Variants in RNF38 observed in about 807,000 individuals in gnomAD.
RNF38 encodes the protein E3 ubiquitin-protein ligase RNF38.
Under a neutral mutation model 67.2 loss-of-function variants are expected in RNF38, and 15 were observed. The observed-to-expected ratio is 0.22, with a 90% CI of 0.15 to 0.34. The LOEUF (loss-of-function observed/expected upper bound fraction) is 0.34. Ranked by LOEUF, RNF38 falls within the 10% of genes least tolerant of loss-of-function variation. RNF38 has a pLI of 1.00. For missense variants in RNF38, 524 were observed against 639.9 expected, an observed-to-expected ratio of 0.82 and a Z score of 1.95; for synonymous variants, 220 against 218.8, an observed-to-expected ratio of 1.01 and a Z score of -0.05.
In RNF38 at chr9:36,400,258, A is replaced by G. The variant is rs1025040657; in HGVS notation, c.-150T>C. On this transcript the variant is annotated 5_prime_UTR_variant, in exon 1 of 12. Transcript: ENST00000259605. ...ACGCAGCCTATCCAGAAACCCACGG[A>G]AGCAGAAGGACGCCAGAGAGGACCC... 2 of 1,371,694 alleles carry G rather than the reference A, an allele frequency of 1.5e-6. No homozygotes were observed. The highest frequency in any genetic ancestry group is 2.9e-5 in the African/African-American group (2 of 68,410). The allele number at this position is 1,371,694 out of a possible 1,614,324, so 85.0% of individuals were successfully genotyped here.
intron 1 of RNF38, among the ~76,000 whole-genome samples, chr9:36,468,495 G>T (rs1237064739): frequency 1.3e-5 from 2 of 152,158 alleles, no homozygotes; most frequent in African/African-American, 4.8e-5. Flanking sequence ...ATCCAGCCCA[G>T]ATTTCTTTTA....
At chr9:36,351,637 CGGGG>C (rs1833693341) in intron 8 of RNF38, among the ~76,000 whole-genome samples, 1 of 151,836 alleles carries the variant, frequency 6.6e-6, no homozygotes, top group African/African-American at 2.4e-5. Context: ...ATAGAGAAAA[CGGGG>C]AGAGAGAGGA....
chr9:36,418,063 T>TC (rs2134222252), intron 2 of RNF38, among the ~76,000 whole-genome samples: 1 of 152,024 alleles, frequency 6.6e-6, no homozygotes, highest in East Asian at 1.9e-4. Flanking sequence ...TTTTTTTTTT[T>TC]TGGAGACAGG....
At chr9:36,459,535 A>G (rs954538520) in intron 1 of RNF38, among the ~76,000 whole-genome samples, 1 of 152,192 alleles carries the variant, frequency 6.6e-6, no homozygotes, top group African/African-American at 2.4e-5. Context: ...TAAGCTGTGA[A>G]CACAAATCCC....
chr9:36,408,050 T>G (rs1205090683), intron 2 of RNF38, among the ~76,000 whole-genome samples: 1 of 152,186 alleles, frequency 6.6e-6, no homozygotes, highest in Non-Finnish European at 1.5e-5. Context: ...GTTCAAACAG[T>G]ATGTGAATTT....
intron 9 of RNF38, 39 bp downstream of exon 9, chr9:36,351,076 A>G (rs773485362): frequency 2.1e-6 from 3 of 1,407,244 alleles, no homozygotes; most frequent in African/African-American, 2.8e-5. Flanking sequence ...TTTCATGCAC[A>G]CAATATTCCC....
intron 4 of RNF38, among the ~76,000 whole-genome samples, chr9:36,361,509 TTAAC>T (rs906874954): frequency 2.0e-5 from 3 of 152,158 alleles, no homozygotes; most frequent in East Asian, 1.9e-4. Flanking sequence ...ATACTTCTGT[TTAAC>T]TAACATAACG....
chr9:36,346,349 T>C (rs1258780804), intron 9 of RNF38, among the ~76,000 whole-genome samples: 1 of 152,048 alleles, frequency 6.6e-6, no homozygotes, highest in East Asian at 1.9e-4. Context: ...GCCCAGCTAA[T>C]TTTTTGTATT....
At chr9:36,431,639 G>T (rs1352256956) in intron 1 of RNF38, among the ~76,000 whole-genome samples, 1 of 152,154 alleles carries the variant, frequency 6.6e-6, no homozygotes, top group African/African-American at 2.4e-5. Flanking sequence ...CATCCTCCCA[G>T]CACCTCAATG....
chr9:36,413,160 G>A (rs928158198), intron 2 of RNF38, among the ~76,000 whole-genome samples: 1 of 151,646 alleles, frequency 6.6e-6, no homozygotes, highest in Non-Finnish European at 1.5e-5. Flanking sequence ...ACCTGGGGGG[G>A]CAGAAGTTGC....
chr9:36,384,130 G>C lies in RNF38; in HGVS notation c.162+6337C>G, dbSNP rs181247378. 1.2e-4 allele frequency among the ~76,000 whole-genome samples: 19 copies of C among 152,136 alleles called. No individual in the cohort carries two copies. The South Asian group carries it at 2.5e-3, about 20-fold the overall frequency. ...ACTAATTTAGCTTGATGCTACAATT[G>C]TAAGTATCACTATATTTCTACCAGA... On this transcript the variant is annotated intron_variant, in intron 2 of 11. Transcript: ENST00000259605.
At chr9:36,361,648 T>G (rs1441903052) in intron 4 of RNF38, among the ~76,000 whole-genome samples, 1 of 152,220 alleles carries the variant, frequency 6.6e-6, no homozygotes, top group Non-Finnish European at 1.5e-5. Flanking sequence ...GTTCTTCACT[T>G]TCAGAGTCTG....
intron 2 of RNF38, among the ~76,000 whole-genome samples, chr9:36,388,249 CTTA>C (rs1001274535): frequency 1.4e-4 from 21 of 151,984 alleles, no homozygotes; most frequent in African/African-American, 5.1e-4. Flanking sequence ...ACTAGATGGT[CTTA>C]TTATTATATA....
At chr9:36,481,754 C>T (rs978973665) in intron 1 of RNF38, among the ~76,000 whole-genome samples, 2 of 152,158 alleles carry the variant, frequency 1.3e-5, no homozygotes, top group Admixed American at 6.5e-5. Context: ...CCATTATTTC[C>T]AAAAGCAGTA....
At chr9:36,469,191 T>G (rs2134406203) in intron 1 of RNF38, among the ~76,000 whole-genome samples, 1 of 152,302 alleles carries the variant, frequency 6.6e-6, no homozygotes, top group Middle Eastern at 3.4e-3. Flanking sequence ...GTAATCATCT[T>G]TGTTATCAGT....
chr9:36,400,352 C>A, upstream of RNF38: 1 of 1,221,344 alleles, frequency 8.2e-7, no homozygotes, highest in African/African-American at 1.5e-5. Context: ...AGGGAGGGAG[C>A]GAGAGAGCGA....
intron 2 of RNF38, among the ~76,000 whole-genome samples, chr9:36,376,906 A>T (rs1252331185): frequency 6.9e-6 from 1 of 144,188 alleles, no homozygotes; most frequent in Non-Finnish European, 1.5e-5. Context: ...AGCCTCGGCG[A>T]CAAGAGTGAG....
intron 1 of RNF38, among the ~76,000 whole-genome samples, chr9:36,444,315 G>C (rs575854528): frequency 1.3e-5 from 2 of 152,176 alleles, no homozygotes; most frequent in East Asian, 1.9e-4. Context: ...TTGCAGGTTG[G>C]GGGGAAGGGA....
At chr9:36,366,658 G>A (rs1384760119) in intron 4 of RNF38, among the ~76,000 whole-genome samples, 1 of 152,054 alleles carries the variant, frequency 6.6e-6, no homozygotes, top group Non-Finnish European at 1.5e-5. Flanking sequence ...CTTTTCTGCT[G>A]GCTTGGCCTA....
Sources: gnomAD v4.1 joint callset for allele counts (sites outside exome capture counted in the v4.1 genomes callset) on GRCh38, gnomAD v4.1.1 for gene constraint, MANE v1.5 for transcripts, NCBI Gene and HGNC (gene_info 2026-07-23, HGNC 2026-07-21) for gene names.